The following GRIK1 variants were observed in gnomAD, a reference collection of about 807,000 sequenced individuals.
The protein encoded by GRIK1 is glutamate ionotropic receptor kainate type subunit 1.
Under a neutral mutation model 105.7 loss-of-function variants are expected in GRIK1, and 69 were observed. The ratio of observed to expected loss-of-function variants is 0.65; its 90% CI spans 0.54 to 0.80. GRIK1 has a LOEUF of 0.80. GRIK1 is among the 30% of genes least tolerant of loss of function. The pLI is 0.00. For missense variants in GRIK1, 1,109 were observed against 1,167.3 expected (o/e 0.95, Z 0.73); for synonymous variants, 438 against 431.3 (o/e 1.02, Z -0.19).
intron 1 of GRIK1, among the ~76,000 whole-genome samples, chr21:29,846,490 AAAGAAAG>A: frequency 6.6e-6 from 1 of 151,736 alleles, no homozygotes; most frequent in Non-Finnish European, 1.5e-5. Context: ...AGAAAGAAAG[AAAGAAAG>A]AAAGAAAGAA....
At chr21:29,791,275 C>A (rs1399045668) in intron 1 of GRIK1, among the ~76,000 whole-genome samples, 1 of 152,014 alleles carries the variant, frequency 6.6e-6, no homozygotes, top group Non-Finnish European at 1.5e-5. Context: ...CTGGAGATAT[C>A]TCCCGATTAG....
At chr21:29,888,020 C>T (rs73898505) in intron 1 of GRIK1, among the ~76,000 whole-genome samples, 1 of 151,380 alleles carries the variant, frequency 6.6e-6, no homozygotes, top group East Asian at 2.0e-4. Flanking sequence ...AAAACCAACT[C>T]CCCAAAAGCT....
In GRIK1 at chr21:29,650,386, G is replaced by A. The variant is rs993592772; in HGVS notation, c.954+732C>T. Among the ~76,000 whole-genome samples, 4 of 152,298 alleles carry A rather than the reference G, an allele frequency of 2.6e-5. No individual in the cohort carries two copies. In the South Asian group the frequency reaches 8.3e-4, roughly 32 times the overall value. ...TCCACAATATCTTTCCCCTTAGATGGCTCCCATATAGGAAGCATTTTAAAA... is the reference window on the plus strand; with the variant it reads ...TCCACAATATCTTTCCCCTTAGATGACTCCCATATAGGAAGCATTTTAAAA... On this transcript the variant is annotated intron_variant, in intron 6 of 17. Coordinates refer to ENST00000327783, the MANE Select transcript of GRIK1 (RefSeq NM_001330994.2).
chr21:29,699,543 TTAAG>T (rs1337286940), intron 1 of GRIK1, among the ~76,000 whole-genome samples: 5 of 152,200 alleles, frequency 3.3e-5, no homozygotes, highest in Non-Finnish European at 5.9e-5. Flanking sequence ...CTGAGAGAAA[TTAAG>T]TGTCTGTTGT....
intron 1 of GRIK1, among the ~76,000 whole-genome samples, chr21:29,753,523 C>T (rs1290575894): frequency 2.0e-5 from 3 of 152,158 alleles, no homozygotes; most frequent in African/African-American, 4.8e-5. Flanking sequence ...CATAGATGGG[C>T]TTCATATTAC....
intron 7 of GRIK1, among the ~76,000 whole-genome samples, chr21:29,625,875 T>C (rs2062116379): frequency 1.3e-5 from 2 of 152,112 alleles, no homozygotes; most frequent in African/African-American, 2.4e-5. Flanking sequence ...AATTAAATGG[T>C]TGTACCCCTG....
chr21:29,617,225 A>T (rs1376042983), intron 7 of GRIK1, among the ~76,000 whole-genome samples: 2 of 152,228 alleles, frequency 1.3e-5, no homozygotes, highest in South Asian at 2.1e-4. Flanking sequence ...GCAATCGAAG[A>T]GTTGCTGCCT....
chr21:29,537,389 G>A lies in GRIK1; in HGVS notation c.2695-4C>T. The A allele has an allele frequency of 6.2e-7, 1 of 1,605,982 alleles. No individual in the cohort carries two copies. ...TGATAGCGTTGAAAGAGAGACACTAGGGAACATGAGATACAGACCATCAGC... is the reference window on the plus strand; with the variant it reads ...TGATAGCGTTGAAAGAGAGACACTAAGGAACATGAGATACAGACCATCAGC... On this transcript the variant is annotated splice_region_variant and splice_polypyrimidine_tract_variant and intron_variant, in intron 17 of 17. Coordinates refer to ENST00000327783, the MANE Select transcript of GRIK1 (RefSeq NM_001330994.2).
chr21:29,762,516 T>C (rs1451278044), intron 1 of GRIK1, among the ~76,000 whole-genome samples: 1 of 152,230 alleles, frequency 6.6e-6, no homozygotes, highest in East Asian at 1.9e-4. Flanking sequence ...TGATAATTGC[T>C]ATTCTAATTT....
At chr21:29,612,869 A>T (rs1244746014) in intron 7 of GRIK1, among the ~76,000 whole-genome samples, 1 of 152,236 alleles carries the variant, frequency 6.6e-6, no homozygotes, top group Non-Finnish European at 1.5e-5. Context: ...CATTGTAAAC[A>T]AGACACTTTC....
intron 12 of GRIK1, chr21:29,582,350 C>A: frequency 2.1e-6 from 1 of 470,480 alleles, no homozygotes; most frequent in Non-Finnish European, 4.4e-6. Flanking sequence ...AACCCTGGTT[C>A]GGTAAGTGGT....
At chr21:29,581,649 A>G in intron 12 of GRIK1, 106 bp from the exon 13 acceptor site, 3 of 669,972 alleles carry the variant, frequency 4.5e-6, no homozygotes, top group East Asian at 2.6e-5. Flanking sequence ...ATTAATCACA[A>G]AAGCTTCAAA....
At chr21:29,786,220 C>A (rs1203338100) in intron 1 of GRIK1, among the ~76,000 whole-genome samples, 1 of 152,152 alleles carries the variant, frequency 6.6e-6, no homozygotes, top group Non-Finnish European at 1.5e-5. Context: ...ATCTCTTGAC[C>A]CTGTGATCCG....
At chr21:29,884,525 G>T (rs963327542) in intron 1 of GRIK1, among the ~76,000 whole-genome samples, 1 of 151,938 alleles carries the variant, frequency 6.6e-6, no homozygotes, top group African/African-American at 2.4e-5. Context: ...AGAGTTACTT[G>T]ATGGCCATGT....
At chr21:29,676,197 T>C (rs1407507328) in intron 3 of GRIK1, among the ~76,000 whole-genome samples, 1 of 152,226 alleles carries the variant, frequency 6.6e-6, no homozygotes, top group African/African-American at 2.4e-5. Context: ...AGCTTACTGT[T>C]AAACTCCTAT....
intron 15 of GRIK1, among the ~76,000 whole-genome samples, chr21:29,559,127 T>C (rs957200026): frequency 2.0e-5 from 3 of 152,290 alleles, no homozygotes; most frequent in African/African-American, 2.4e-5. Flanking sequence ...AGTCTAGAGA[T>C]GGTTCTATTA....
Position 29,588,828 on chromosome 21 carries a change from T to C in GRIK1, c.1569+11A>G, listed in dbSNP as rs1365486200. Reference sequence around the variant, plus strand: ...CATATTTTCAGATATGTTAGAAATATTGTTACTTACGTGATCTATGAGTTC... The same window carrying C: ...CATATTTTCAGATATGTTAGAAATACTGTTACTTACGTGATCTATGAGTTC... On this transcript the variant is annotated intron_variant, in intron 11 of 17. Coordinates refer to ENST00000327783, the MANE Select transcript of GRIK1 (RefSeq NM_001330994.2). The C allele has an allele frequency of 1.4e-6, 2 of 1,388,196 alleles. No individual in the cohort carries two copies. Among genetic ancestry groups the C allele is most frequent in the Non-Finnish European group, 1.0e-6 (1 of 976,990 alleles). 86.0% of individuals were successfully genotyped at this position (1,388,196 alleles called of 1,614,324 possible).
chr21:29,556,123 GTATAGAACCTAAT>G (rs1423509882), intron 15 of GRIK1, among the ~76,000 whole-genome samples: 1 of 152,138 alleles, frequency 6.6e-6, no homozygotes, highest in Non-Finnish European at 1.5e-5. Context: ...ACATTTTGAC[GTATAGAACCTAAT>G]TATAAAACCA....
rs148176755 is a variant in GRIK1 at position 29,841,827 on chromosome 21, C to T, written c.118+97556G>A. 1.2e-3 allele frequency among the ~76,000 whole-genome samples: 186 copies of T among 152,124 alleles called. 2 individuals are homozygous for T. Among genetic ancestry groups the T allele is most frequent in the African/African-American group, 4.3e-3 (180 of 41,530 alleles). The stretch of plus-strand genomic sequence containing the variant: ...GCCCCTCCCTCTTGGAAGCATTTTC[C>T]GGAAACAATGGTTTCTGTTTGCTTG... On this transcript the variant is annotated intron_variant, in intron 1 of 17. Coordinates refer to ENST00000327783, the MANE Select transcript of GRIK1 (RefSeq NM_001330994.2).
Sources: gnomAD v4.1 joint callset for allele counts (sites outside exome capture counted in the v4.1 genomes callset) on GRCh38, gnomAD v4.1.1 for gene constraint, MANE v1.5 for transcripts, NCBI Gene and HGNC (gene_info 2026-07-23, HGNC 2026-07-21) for gene names.